ASB4: variants seen among roughly 807,000 people sequenced by gnomAD.
ASB4 encodes the protein ankyrin repeat and SOCS box containing 4, also known as ankyrin repeat and SOCS box protein 4.
A neutral mutation model predicts 38.6 loss-of-function variants in ASB4; 35 were observed. The ratio of observed to expected loss-of-function variants is 0.91; its 90% confidence interval spans 0.69 to 1.20. The LOEUF (loss-of-function observed/expected upper bound fraction) is 1.20. Ranked by LOEUF, ASB4 falls within the 50% of genes most tolerant of loss-of-function variation. The probability of loss-of-function intolerance (pLI) is 0.00; values close to 1 mark genes in which losing one functional copy is unlikely to be tolerated. For synonymous variants in ASB4, 195 were observed against 201.3 expected (o/e 0.97, Z 0.26); for missense variants, 557 against 527.2 (o/e 1.06, Z -0.55).
intron 2 of ASB4, among the ~76,000 whole-genome samples, chr7:95,518,617 T>G (rs1207040715): frequency 6.6e-6 from 1 of 152,236 alleles, no homozygotes; most frequent in Non-Finnish European, 1.5e-5. Flanking sequence ...AAGAGTTGAA[T>G]GACCTAGATA....
At chr7:95,516,397 G>A (rs1342609146) in intron 2 of ASB4, among the ~76,000 whole-genome samples, 1 of 152,168 alleles carries the variant, frequency 6.6e-6, no homozygotes, top group Non-Finnish European at 1.5e-5. Flanking sequence ...TGAGCTCAGT[G>A]TCTGCATCTT....
chr7:95,516,964 C>T (rs1022967485), intron 2 of ASB4, among the ~76,000 whole-genome samples: 3 of 152,292 alleles, frequency 2.0e-5, no homozygotes, highest in Non-Finnish European at 2.9e-5. Flanking sequence ...ACTCCAGACT[C>T]ATCTATCCAA....
At position 95,486,205 on chromosome 7, in the gene ASB4, A is replaced by T. The variant is rs964331314; in HGVS notation, c.187+47A>T. 3 of 1,496,968 alleles carry T rather than the reference A, an allele frequency of 2.0e-6. No individual in the cohort carries two copies. The African/African-American group carries it at 4.2e-5, about 21-fold the overall frequency. 92.7% of individuals were successfully genotyped at this position (1,496,968 alleles called of 1,614,324 possible). On this transcript the variant is annotated intron_variant, in intron 1 of 4. Coordinates refer to ENST00000325885, the MANE Select transcript of ASB4 (RefSeq NM_016116.3). ...TGTAGAACTGTTAGAAAATGATTTA[A>T]AAAAATGCACAGTGTCAGTTATCCA... is the stretch of plus-strand genomic sequence containing the variant.
At chr7:95,479,318 G>C (rs919023134) in intron 1 of ASB4, among the ~76,000 whole-genome samples, 1 of 152,200 alleles carries the variant, frequency 6.6e-6, no homozygotes, top group Non-Finnish European at 1.5e-5. Flanking sequence ...ATGAACAACA[G>C]TAATAATATG....
At chr7:95,527,102 T>C (rs1584091589) in intron 2 of ASB4, among the ~76,000 whole-genome samples, 1 of 152,346 alleles carries the variant, frequency 6.6e-6, no homozygotes, top group Admixed American at 6.5e-5. Context: ...TCAATGAATA[T>C]TTCTACTATA....
intron 2 of ASB4, among the ~76,000 whole-genome samples, chr7:95,521,145 A>C (rs73439820): frequency 0.052 from 7,849 of 152,184 alleles, 365 homozygotes; most frequent in South Asian, 0.13. Context: ...GCCTTCAATA[A>C]AAATTTTATC....
intron 2 of ASB4, among the ~76,000 whole-genome samples, chr7:95,513,256 T>G (rs868357513): frequency 0.015 from 1,003 of 64,846 alleles, 18 homozygotes; most frequent in African/African-American, 0.039. Flanking sequence ...TTTGTTTGTT[T>G]TTTTTTTTTT....
intron 2 of ASB4, among the ~76,000 whole-genome samples, chr7:95,523,316 A>G (rs1790688554): frequency 6.6e-6 from 1 of 152,226 alleles, no homozygotes; most frequent in African/African-American, 2.4e-5. Context: ...TACAACGTTT[A>G]TAGCAATTAT....
chr7:95,513,249 G>GTTT (rs1379114558), intron 2 of ASB4, among the ~76,000 whole-genome samples: 1 of 38,524 alleles, frequency 2.6e-5, no homozygotes, highest in Non-Finnish European at 4.9e-5. Flanking sequence ...TTTGTTTTTT[G>GTTT]TTTGTTTTTT....
At position 95,487,829 on chromosome 7, in the gene ASB4, A is replaced by C. The variant is rs77647948; in HGVS notation, c.187+1671A>C. On this transcript the variant is annotated intron_variant, in intron 1 of 4. Coordinates refer to ENST00000325885, the MANE Select transcript of ASB4 (RefSeq NM_016116.3). ...ATTACACCCTCTGGAAAAGGAAAAG[A>C]ACAGTTCCATTCTTATGTATGCCAA... Among the ~76,000 whole-genome samples, 1,260 of 152,272 alleles carry C rather than the reference A, an allele frequency of 8.3e-3. 18 individuals are homozygous for C. The highest frequency in any genetic ancestry group is 0.028 in the African/African-American group (1,161 of 41,544).
At chr7:95,479,619 T>C (rs1309026384) in intron 1 of ASB4, among the ~76,000 whole-genome samples, 1 of 152,198 alleles carries the variant, frequency 6.6e-6, no homozygotes, top group Non-Finnish European at 1.5e-5. Flanking sequence ...AAATATTGAA[T>C]ATCCACTGAT....
intron 2 of ASB4, among the ~76,000 whole-genome samples, chr7:95,525,202 G>GAAACC (rs950845729): frequency 3.3e-5 from 5 of 152,184 alleles, no homozygotes; most frequent in African/African-American, 1.2e-4. Context: ...GTCTCTGGAA[G>GAAACC]AAACCAACCC....
At chr7:95,494,456 A>G (rs941308947) in intron 1 of ASB4, among the ~76,000 whole-genome samples, 1 of 152,222 alleles carries the variant, frequency 6.6e-6, no homozygotes, top group African/African-American at 2.4e-5. Flanking sequence ...TTGTTTCTCA[A>G]ATAAATGACC....
At chr7:95,497,511 A>C (rs1790268754) in intron 2 of ASB4, among the ~76,000 whole-genome samples, 1 of 152,222 alleles carries the variant, frequency 6.6e-6, no homozygotes, top group Non-Finnish European at 1.5e-5. Flanking sequence ...AAACTTGAGG[A>C]AGAGGCACCT....
chr7:95,541,447 A>C (rs1424264788), downstream of ASB4, among the ~76,000 whole-genome samples: 1 of 152,146 alleles, frequency 6.6e-6, no homozygotes, highest in East Asian at 1.9e-4. Flanking sequence ...TGCAGGTGAT[A>C]CATTGTAGAT....
the ASB4 span, among the ~76,000 whole-genome samples, chr7:95,472,742 C>T: frequency 1.3e-5 from 2 of 152,114 alleles, no homozygotes; most frequent in African/African-American, 2.4e-5. Flanking sequence ...TGATAAAACG[C>T]GGTTAACCTC....
chr7:95,479,082 C>T (rs1222446177), intron 1 of ASB4, among the ~76,000 whole-genome samples: 3 of 152,080 alleles, frequency 2.0e-5, no homozygotes, highest in African/African-American at 4.8e-5. Context: ...ACACTGTGTT[C>T]CATAAGGGAG....
At chr7:95,480,684 C>A (rs1180898700) in intron 1 of ASB4, among the ~76,000 whole-genome samples, 1 of 152,094 alleles carries the variant, frequency 6.6e-6, no homozygotes, top group Non-Finnish European at 1.5e-5. Context: ...ATTGTCTAAC[C>A]CCCGACCTTT....
At chr7:95,480,456 C>T (rs1403599251) in intron 1 of ASB4, among the ~76,000 whole-genome samples, 1 of 152,152 alleles carries the variant, frequency 6.6e-6, no homozygotes, top group African/African-American at 2.4e-5. Context: ...GTCAGTGTGA[C>T]CATAGGATAT....
Sources: gnomAD v4.1 joint callset for allele counts (sites outside exome capture counted in the v4.1 genomes callset) on GRCh38, gnomAD v4.1.1 for gene constraint, MANE v1.5 for transcripts, NCBI Gene and HGNC (gene_info 2026-07-23, HGNC 2026-07-21) for gene names.